ZBBX: variants seen among roughly 807,000 people sequenced by gnomAD.
ZBBX encodes zinc finger B-box domain containing.
In ZBBX, 101 loss-of-function variants were observed where a neutral mutation model predicts 108.5. That is an observed-to-expected ratio of 0.93 (90% CI 0.79 to 1.10). The LOEUF is 1.10. Ranked by LOEUF, ZBBX falls within the 50% of genes least tolerant of loss-of-function variation. The pLI is 0.00. For synonymous variants in ZBBX, 356 were observed against 323.4 expected (o/e 1.10, Z -1.08); for missense variants, 1,009 against 941.4 (o/e 1.07, Z -0.94).
chr3:167,248,464 T>A, intron 20 of ZBBX: 1 of 277,962 alleles, frequency 3.6e-6, no homozygotes, highest in Non-Finnish European at 7.4e-6. Flanking sequence ...TTTTTTCCTC[T>A]TCTAAGTGAG....
intron 17 of ZBBX, among the ~76,000 whole-genome samples, chr3:167,298,714 T>C (rs1213880473): frequency 6.6e-6 from 1 of 152,080 alleles, no homozygotes; most frequent in African/African-American, 2.4e-5. Flanking sequence ...ATAAACTTTT[T>C]TTCTCTTTCT....
chr3:167,327,836 C>T, intron 11 of ZBBX, 106 bp downstream of exon 11: 1 of 1,123,850 alleles, frequency 8.9e-7, no homozygotes, highest in Non-Finnish European at 1.2e-6. Context: ...ATTACTTGAA[C>T]CCGGAAGGTG....
the ZBBX span, among the ~76,000 whole-genome samples, chr3:167,207,917 G>T: frequency 1.3e-5 from 2 of 152,078 alleles, no homozygotes; most frequent in Non-Finnish European, 2.9e-5. Context: ...GACAGAAGTG[G>T]GTAGGAAAGA....
At chr3:167,338,660 T>G (rs77588470) in intron 9 of ZBBX, among the ~76,000 whole-genome samples, 7,981 of 152,134 alleles carry the variant, frequency 0.052, 572 homozygotes, top group African/African-American at 0.16. Flanking sequence ...AGTCACAAAA[T>G]TTTAGAAGAG....
At chr3:167,396,309 T>C (rs1177259306) in intron 1 of ZBBX, among the ~76,000 whole-genome samples, 1 of 152,044 alleles carries the variant, frequency 6.6e-6, no homozygotes, top group African/African-American at 2.4e-5. Context: ...GAAATCTCTT[T>C]GCATAGTTGT....
chr3:167,381,365 T>C (rs1747707304), upstream of ZBBX: 1 of 152,160 alleles, frequency 6.6e-6, no homozygotes, highest in African/African-American at 2.4e-5. Flanking sequence ...TCAGTCTAAC[T>C]GCTTAAATGA....
intron 11 of ZBBX, 54 bp downstream of exon 11, chr3:167,327,888 T>C: frequency 6.7e-7 from 1 of 1,485,538 alleles, no homozygotes; most frequent in Non-Finnish European, 8.8e-7. Context: ...CACTCCAGCC[T>C]GGGCAACAAA....
chr3:167,312,262 G>A (rs1734719034), intron 16 of ZBBX, among the ~76,000 whole-genome samples: 1 of 152,126 alleles, frequency 6.6e-6, no homozygotes, highest in Admixed American at 6.6e-5. Context: ...AAAATCAGTG[G>A]TTGCCAGGAG....
At chr3:167,381,161 C>A (rs1426315064), upstream of ZBBX, among the ~76,000 whole-genome samples, 2 of 151,826 alleles carry the variant, frequency 1.3e-5, no homozygotes, top group Non-Finnish European at 2.9e-5. Flanking sequence ...CTATGCCTGC[C>A]AATACCCATT....
chr3:167,240,096 C>A lies in ZBBX; in HGVS notation c.*697G>T, dbSNP rs534357286. On this transcript the variant is annotated 3_prime_UTR_variant, in exon 22 of 22. Transcript: ENST00000675490. Reference sequence around the variant, plus strand: ...TTCCCACCAGGTCCCTCCCAGGACACCTGGAGATTATAGAAACTACAATTC... The same window carrying A: ...TTCCCACCAGGTCCCTCCCAGGACAACTGGAGATTATAGAAACTACAATTC... Among the ~76,000 whole-genome samples, 39 of 152,186 alleles carry A rather than the reference C, an allele frequency of 2.6e-4. No individual in the cohort carries two copies. The South Asian group carries it at 7.7e-3, about 30-fold the overall frequency.
At chr3:167,381,071 G>T (rs2108631005), upstream of ZBBX, among the ~76,000 whole-genome samples, 1 of 151,874 alleles carries the variant, frequency 6.6e-6, no homozygotes, top group East Asian at 1.9e-4. Context: ...TAACCACATT[G>T]CATCTGTCTC....
intron 17 of ZBBX, among the ~76,000 whole-genome samples, chr3:167,299,904 T>C (rs1422243515): frequency 1.3e-5 from 2 of 152,208 alleles, no homozygotes; most frequent in Non-Finnish European, 2.9e-5. Context: ...GTACCAATTA[T>C]GATGGCCACT....
the ZBBX span, among the ~76,000 whole-genome samples, chr3:167,191,628 C>T: frequency 5.9e-5 from 9 of 152,170 alleles, no homozygotes; most frequent in South Asian, 6.2e-4. Flanking sequence ...TCTTCCTTGG[C>T]TTCCACCATG....
chr3:167,201,493 A>G, the ZBBX span, among the ~76,000 whole-genome samples: 1 of 152,096 alleles, frequency 6.6e-6, no homozygotes, highest in African/African-American at 2.4e-5. Flanking sequence ...TAAATGCCCC[A>G]TTACTGATGG....
intron 20 of ZBBX, among the ~76,000 whole-genome samples, chr3:167,281,014 A>G (rs917762162): frequency 2.0e-5 from 3 of 152,184 alleles, no homozygotes; most frequent in Non-Finnish European, 4.4e-5. Flanking sequence ...ACAAAAAACC[A>G]AACACCACAT....
At chr3:167,185,269 C>A in the ZBBX span, among the ~76,000 whole-genome samples, 1 of 151,976 alleles carries the variant, frequency 6.6e-6, no homozygotes, top group Non-Finnish European at 1.5e-5. Flanking sequence ...GAAGCCAGAC[C>A]CAAGAAGCTA....
chr3:167,251,192 T>C (rs1247533871), intron 20 of ZBBX, among the ~76,000 whole-genome samples: 4 of 152,130 alleles, frequency 2.6e-5, no homozygotes, highest in Non-Finnish European at 5.9e-5. Flanking sequence ...GCTCCCCCAG[T>C]GGTGGTGAGC....
chr3:167,385,436 G>A (rs145538818), intron 1 of ZBBX, among the ~76,000 whole-genome samples: 1 of 152,006 alleles, frequency 6.6e-6, no homozygotes, highest in African/African-American at 2.4e-5. Context: ...GAGTGAGTAG[G>A]TACTATAGAC....
At position 167,282,343 on chromosome 3, in the gene ZBBX, A is replaced by C; in HGVS notation, c.2149T>G (p.Tyr717Asp). The part of the protein sequence containing the change: ...RAASEISEIE[Y>D]IDITDQNELS... Reference sequence around the variant, plus strand: ...TCATTCTGGTCAGTAATATCAATATATTCAATTTCTGAAATTTCAGAAGCA... The same window carrying C: ...TCATTCTGGTCAGTAATATCAATATCTTCAATTTCTGAAATTTCAGAAGCA... The change falls in exon 20 of 22, where the codon TAT becomes GAT. Residue 717 changes from tyrosine to aspartate, a missense_variant. Physicochemically the swap from Tyr to Asp is radical, Grantham distance 160. Coordinates refer to ENST00000675490, the MANE Select transcript of ZBBX (RefSeq NM_001199201.2). 6.2e-7 allele frequency: 1 copy of C among 1,614,116 alleles called. No individual in the cohort carries two copies. The highest frequency in any genetic ancestry group is 8.5e-7 in the Non-Finnish European group (1 of 1,179,962).
Sources: allele counts gnomAD v4.1 joint callset (sites outside exome capture counted in the v4.1 genomes callset), GRCh38; gene constraint gnomAD v4.1.1; transcripts MANE v1.5; gene names NCBI Gene and HGNC (gene_info 2026-07-23, HGNC 2026-07-21).